The following USH2A variants were observed in gnomAD, a reference collection of about 807,000 sequenced individuals.
USH2A encodes Usher syndrome 2A (autosomal recessive, mild).
A neutral mutation model predicts 538.9 loss-of-function variants in USH2A; 443 were observed. That is an observed-to-expected ratio of 0.82 (90% CI 0.76 to 0.89). USH2A has a LOEUF of 0.89. Among genes scored for constraint, USH2A ranks in the 40% least tolerant of loss-of-function variants. The pLI is 0.00. For missense variants in USH2A, 6,633 were observed against 6,324.8 expected (o/e 1.05, Z -1.65); for synonymous variants, 2,413 against 2,273.5 (o/e 1.06, Z -1.75).
At chr1:215,746,064 TTG>T (rs34261096) in intron 58 of USH2A, among the ~76,000 whole-genome samples, 32,371 of 152,008 alleles carry the variant, frequency 0.21, 4,314 homozygotes, top group Non-Finnish European at 0.29. Flanking sequence ...TCGAATAATG[TTG>T]TTTCATTCAA....
chr1:215,821,364 T>C (rs1361978241), intron 47 of USH2A, among the ~76,000 whole-genome samples: 1 of 151,876 alleles, frequency 6.6e-6, no homozygotes, highest in African/African-American at 2.4e-5. Flanking sequence ...CATTTTTTCA[T>C]ATACCTGTTG....
intron 47 of USH2A, among the ~76,000 whole-genome samples, chr1:215,818,992 T>G (rs1312452191): frequency 6.6e-6 from 1 of 151,822 alleles, no homozygotes; most frequent in Non-Finnish European, 1.5e-5. Context: ...TCTCATTGTT[T>G]TTAAAAAAAT....
intron 47 of USH2A, among the ~76,000 whole-genome samples, chr1:215,825,868 T>TA (rs1270680138): frequency 6.6e-6 from 1 of 152,172 alleles, no homozygotes; most frequent in Non-Finnish European, 1.5e-5. Context: ...TTGTAGTAGG[T>TA]AAAAAGTCAA....
At chr1:216,240,434 T>C (rs562704275) in intron 13 of USH2A, among the ~76,000 whole-genome samples, 1 of 151,950 alleles carries the variant, frequency 6.6e-6, no homozygotes, top group East Asian at 1.9e-4. Context: ...TTTGCAGATT[T>C]TCTCAGAACA....
chr1:215,754,116 G>T (rs149382208), intron 58 of USH2A, among the ~76,000 whole-genome samples: 50 of 152,252 alleles, frequency 3.3e-4, no homozygotes, highest in African/African-American at 1.2e-3. Context: ...ATCTTAAGAT[G>T]GGGATAATGA....
chr1:216,146,314 T>C (rs1431028875), intron 21 of USH2A, among the ~76,000 whole-genome samples: 1 of 152,210 alleles, frequency 6.6e-6, no homozygotes, highest in Non-Finnish European at 1.5e-5. Flanking sequence ...TTCAATTCCT[T>C]TCATTTTCTG....
chr1:216,083,078 T>G lies in USH2A; in HGVS notation c.5298+378A>C, dbSNP rs144285897. ...TGGTGGTAGGTCCAGGAGTGTTCAC[T>G]ATATTATTATACTTGATTATCTATA... is the stretch of plus-strand genomic sequence containing the variant. On this transcript the variant is annotated intron_variant, in intron 26 of 71. Transcript: ENST00000307340. Among the ~76,000 whole-genome samples the G allele has an allele frequency of 9.7e-4, 148 of 152,120 alleles. 3 individuals carry two copies. The East Asian group carries it at 0.024, about 25-fold the overall frequency.
intron 32 of USH2A, among the ~76,000 whole-genome samples, chr1:216,008,586 C>A (rs1448661048): frequency 6.6e-6 from 1 of 152,146 alleles, no homozygotes; most frequent in Non-Finnish European, 1.5e-5. Flanking sequence ...CGGGGGACCT[C>A]CCTTGGGAGA....
At chr1:215,999,936 C>T (rs1226035307) in intron 33 of USH2A, among the ~76,000 whole-genome samples, 3 of 152,084 alleles carry the variant, frequency 2.0e-5, no homozygotes, top group Non-Finnish European at 4.4e-5. Flanking sequence ...CACAATAGTA[C>T]ACCTTATACC....
At position 216,418,627 on chromosome 1, in the gene USH2A, A is replaced by G. The variant is rs1171672823; in HGVS notation, c.538T>C (p.Ser180Pro). The G allele has an allele frequency of 1.9e-6, 3 of 1,613,308 alleles. No individual in the cohort carries two copies. In the East Asian group the frequency reaches 6.7e-5, roughly 36 times the overall value. The change falls in exon 3 of 72, where the codon TCT becomes CCT. Residue 180 changes from serine (S) to proline (P), a missense_variant. Transcript: ENST00000307340. ...TAATAAAACATGGTCTCTTTCTCAG[A>G]TATTGTAAGTTTGAACACAATCTGC... ...DGQIVFKLTI[S>P]EKETMFYYRT... is the part of the protein sequence containing the mutation.
At chr1:215,867,315 C>T (rs1664501273) in intron 43 of USH2A, 145 bp from the exon 44 acceptor site, 6 of 937,084 alleles carry the variant, frequency 6.4e-6, no homozygotes, top group Admixed American at 2.6e-5. Flanking sequence ...CTAGAAAATA[C>T]ATTATTTTAT....
intron 61 of USH2A, among the ~76,000 whole-genome samples, chr1:215,699,570 T>C (rs1309265583): frequency 6.6e-6 from 1 of 152,206 alleles, no homozygotes; most frequent in African/African-American, 2.4e-5. Flanking sequence ...TATTTTGTTT[T>C]CTTTGTAGCA....
rs529920226 is a variant in USH2A, at chr1:216,057,887, C to A, written c.6050-9240G>T. Among the ~76,000 whole-genome samples the A allele has an allele frequency of 2.4e-3, 363 of 152,216 alleles. 2 individuals are homozygous for A. Among genetic ancestry groups the A allele is most frequent in the African/African-American group, 8.5e-3 (355 of 41,530 alleles). On this transcript the variant is annotated intron_variant, in intron 30 of 71. Transcript: ENST00000307340. ...CTCCTTTTCCTCAGTAAAATAAAAA[C>A]ACTTTTTACCTGGGCAAGTGGCTAC...
chr1:216,134,632 C>T (rs2033445046), intron 21 of USH2A, among the ~76,000 whole-genome samples: 1 of 152,092 alleles, frequency 6.6e-6, no homozygotes, highest in Admixed American at 6.6e-5. Flanking sequence ...TAGAAATTGT[C>T]CACCCAGTGG....
chr1:215,986,310 CTTTT>C (rs34962559), intron 35 of USH2A, among the ~76,000 whole-genome samples: 2 of 131,428 alleles, frequency 1.5e-5, no homozygotes. Context: ...TTTTCTTTTT[CTTTT>C]TTTTTTTTTT....
chr1:216,364,576 T>C (rs1006657970), intron 4 of USH2A, among the ~76,000 whole-genome samples: 1 of 152,086 alleles, frequency 6.6e-6, no homozygotes, highest in African/African-American at 2.4e-5. Context: ...AGTGTCCTTA[T>C]AACAGAGGTA....
chr1:216,164,683 G>C (rs1446794827), intron 21 of USH2A, among the ~76,000 whole-genome samples: 1 of 152,110 alleles, frequency 6.6e-6, no homozygotes, highest in Non-Finnish European at 1.5e-5. Flanking sequence ...GAGGTTCACA[G>C]AATGAGTAAA....
chr1:216,027,251 TAA>T (rs1668988488), intron 32 of USH2A, among the ~76,000 whole-genome samples: 1 of 152,000 alleles, frequency 6.6e-6, no homozygotes, highest in Non-Finnish European at 1.5e-5. Context: ...TGGATGGGAA[TAA>T]AGACACCAGG....
At chr1:216,224,928 T>C (rs1266005556) in intron 14 of USH2A, among the ~76,000 whole-genome samples, 1 of 152,164 alleles carries the variant, frequency 6.6e-6, no homozygotes, top group African/African-American at 2.4e-5. Context: ...TTTGTTATAA[T>C]TGGAATGTAA....
Sources: allele counts gnomAD v4.1 joint callset (sites outside exome capture counted in the v4.1 genomes callset), GRCh38; gene constraint gnomAD v4.1.1; transcripts MANE v1.5; gene names NCBI Gene and HGNC (gene_info 2026-07-23, HGNC 2026-07-21).